Variants in IGF2BP2 observed in about 807,000 individuals in gnomAD.
IGF2BP2 encodes insulin like growth factor 2 mRNA binding protein 2.
Under a neutral mutation model 75.8 loss-of-function variants are expected in IGF2BP2, and 17 were observed. The observed-to-expected ratio is 0.22, with a 90% CI of 0.15 to 0.34. IGF2BP2 has a LOEUF of 0.34. IGF2BP2 is among the 10% of genes least tolerant of loss of function. The pLI, the probability that IGF2BP2 is intolerant of heterozygous loss-of-function variation, is 1.00. For missense variants in IGF2BP2, 516 were observed against 772.4 expected (o/e 0.67, Z 3.93); for synonymous variants, 288 against 295.6 (o/e 0.97, Z 0.26).
intron 2 of IGF2BP2, chr3:185,722,262 G>A (rs1162349390): frequency 2.2e-6 from 1 of 456,256 alleles, no homozygotes. Context: ...TCCATAGGGG[G>A]TGAAACTGAG....
intron 7 of IGF2BP2, 43 bp downstream of exon 7, chr3:185,687,014 C>T (rs772878073): frequency 1.3e-6 from 2 of 1,594,024 alleles, no homozygotes; most frequent in Non-Finnish European, 1.7e-6. Flanking sequence ...AGAATCTACT[C>T]TTTTTCTCTG....
intron 2 of IGF2BP2, among the ~76,000 whole-genome samples, chr3:185,810,370 G>C (rs916421507): frequency 3.9e-5 from 6 of 152,196 alleles, no homozygotes; most frequent in African/African-American, 1.4e-4. Context: ...GAAAAGTGCA[G>C]CAGTAACCAA....
chr3:185,671,494 G>A (rs1177656751), intron 10 of IGF2BP2, among the ~76,000 whole-genome samples: 2 of 141,652 alleles, frequency 1.4e-5, no homozygotes, highest in African/African-American at 2.7e-5. Context: ...ACAAGATCGC[G>A]CCACTGCACT....
chr3:185,666,968 G>A (rs1246030232), intron 10 of IGF2BP2, among the ~76,000 whole-genome samples: 1 of 152,060 alleles, frequency 6.6e-6, no homozygotes, highest in Non-Finnish European at 1.5e-5. Flanking sequence ...GTAAAAGTTG[G>A]CCACCTTTCC....
chr3:185,810,766 T>A (rs954478078), intron 2 of IGF2BP2, among the ~76,000 whole-genome samples: 5 of 131,736 alleles, frequency 3.8e-5, no homozygotes, highest in Middle Eastern at 3.6e-3. Context: ...AGCGAGACTC[T>A]GTCTCAAAAA....
intron 2 of IGF2BP2, among the ~76,000 whole-genome samples, chr3:185,805,002 A>G (rs1386184444): frequency 6.6e-6 from 1 of 151,900 alleles, no homozygotes; most frequent in Non-Finnish European, 1.5e-5. Context: ...CAAAAAAAAA[A>G]AAAAAAATTA....
At chr3:185,653,979 T>G (rs901218931) in intron 12 of IGF2BP2, among the ~76,000 whole-genome samples, 1 of 152,154 alleles carries the variant, frequency 6.6e-6, no homozygotes, top group African/African-American at 2.4e-5. Context: ...AAGGTTCAAT[T>G]TTGTTTCCTC....
chr3:185,723,614 A>G (rs908859818), intron 2 of IGF2BP2, among the ~76,000 whole-genome samples: 1 of 152,190 alleles, frequency 6.6e-6, no homozygotes, highest in Non-Finnish European at 1.5e-5. Flanking sequence ...GCCCCTCAGG[A>G]GGACCGAGTG....
At chr3:185,695,753 GT>G (rs1722497446) in intron 4 of IGF2BP2, among the ~76,000 whole-genome samples, 1 of 152,174 alleles carries the variant, frequency 6.6e-6, no homozygotes, top group Admixed American at 6.6e-5. Flanking sequence ...TGAGACAGGT[GT>G]TCTCAAACTT....
At position 185,740,906 on chromosome 3, in the gene IGF2BP2, C is replaced by A. The variant is rs370916885; in HGVS notation, c.240-42559G>T. Among the ~76,000 whole-genome samples, 12 of 152,330 alleles carry A rather than the reference C, an allele frequency of 7.9e-5. 1 individual carries two copies. In the South Asian group the frequency reaches 2.3e-3, roughly 29 times the overall value. ...TTACTTATTTATTTTGAGACGGAGTCTCGCTCTGTCGCCCAGGCTGGAGTG... is the reference window on the plus strand; with the variant it reads ...TTACTTATTTATTTTGAGACGGAGTATCGCTCTGTCGCCCAGGCTGGAGTG... On this transcript the variant is annotated intron_variant, in intron 2 of 15. Coordinates refer to ENST00000382199, the MANE Select transcript of IGF2BP2 (RefSeq NM_006548.6).
intron 2 of IGF2BP2, among the ~76,000 whole-genome samples, chr3:185,799,533 G>A (rs772589059): frequency 1.1e-4 from 16 of 152,156 alleles, no homozygotes; most frequent in South Asian, 4.1e-4. Flanking sequence ...CGGATCACGA[G>A]GTCAGGAGAC....
At chr3:185,674,941 C>G (rs1719070705) in intron 9 of IGF2BP2, 1 of 162,154 alleles carries the variant, frequency 6.2e-6, no homozygotes, top group Non-Finnish European at 1.3e-5. Context: ...AAGTGCTCCT[C>G]CTGCCTCAGC....
chr3:185,758,565 C>T (rs911409653), intron 2 of IGF2BP2, among the ~76,000 whole-genome samples: 10 of 152,198 alleles, frequency 6.6e-5, no homozygotes, highest in Non-Finnish European at 1.2e-4. Context: ...GTTGCTATTG[C>T]TGAAGGAGAA....
At chr3:185,734,994 A>AT (rs1200625625) in intron 2 of IGF2BP2, among the ~76,000 whole-genome samples, 1 of 152,324 alleles carries the variant, frequency 6.6e-6, no homozygotes, top group East Asian at 1.9e-4. Flanking sequence ...GAAAGCACAC[A>AT]TAAGTGCTCA....
At chr3:185,800,403 A>C (rs1352039108) in intron 2 of IGF2BP2, among the ~76,000 whole-genome samples, 2 of 152,134 alleles carry the variant, frequency 1.3e-5, no homozygotes, top group South Asian at 2.1e-4. Context: ...CATTGTGCAC[A>C]TGTACCCTAG....
At position 185,712,362 on chromosome 3, in the gene IGF2BP2, C is replaced by T. The variant is rs1323649708; in HGVS notation, c.240-14015G>A. On this transcript the variant is annotated intron_variant, in intron 2 of 15. Transcript: ENST00000382199. ...GCCTTGATTTCCTAGGGAACAATGA[C>T]GTAAGAAAAAATACAAATTTTAAAT... is the stretch of plus-strand genomic sequence containing the variant. Among the ~76,000 whole-genome samples, 3 of 152,198 alleles carry T rather than the reference C, an allele frequency of 2.0e-5. No individual in the cohort carries two copies. In the South Asian group the frequency reaches 6.2e-4, roughly 32 times the overall value.
intron 10 of IGF2BP2, among the ~76,000 whole-genome samples, chr3:185,670,759 G>A (rs990108873): frequency 2.0e-5 from 3 of 151,850 alleles, no homozygotes; most frequent in South Asian, 2.1e-4. Context: ...TAGTAGAGAC[G>A]GGGTTTCACC....
At chr3:185,787,294 G>A (rs1035576843) in intron 2 of IGF2BP2, among the ~76,000 whole-genome samples, 2 of 151,992 alleles carry the variant, frequency 1.3e-5, no homozygotes, top group African/African-American at 4.8e-5. Context: ...TAAAGGCGAT[G>A]TTATATGTAT....
Position 185,705,260 on chromosome 3 carries a change from C to T in IGF2BP2, c.240-6913G>A, listed in dbSNP as rs142572935. On this transcript the variant is annotated intron_variant, in intron 2 of 15. Transcript: ENST00000382199. ...TACAGGTGCGTACCACCACACCTGG[C>T]TAATTTTTGTATTTTTAGTAGAGAC... Among the ~76,000 whole-genome samples, 798 of 152,284 alleles carry T rather than the reference C, an allele frequency of 5.2e-3. 9 individuals carry two copies. The highest frequency in any genetic ancestry group is 0.018 in the African/African-American group (756 of 41,566).
Sources: allele counts gnomAD v4.1 joint callset (sites outside exome capture counted in the v4.1 genomes callset), GRCh38; gene constraint gnomAD v4.1.1; transcripts MANE v1.5; gene names NCBI Gene and HGNC (gene_info 2026-07-23, HGNC 2026-07-21).